Variants in MAD1L1 observed in about 807,000 individuals in gnomAD.
MAD1L1 encodes mitotic arrest deficient 1 like 1.
In MAD1L1, 95 loss-of-function variants were observed where a neutral mutation model predicts 96.9. The observed-to-expected ratio is 0.98, with a 90% confidence interval of 0.83 to 1.16. The LOEUF (loss-of-function observed/expected upper bound fraction) is 1.16. Ranked by LOEUF, MAD1L1 falls within the 50% of genes most tolerant of loss-of-function variation. The probability of loss-of-function intolerance (pLI) is 0.00; values close to 1 mark genes in which losing one functional copy is unlikely to be tolerated. For synonymous variants in MAD1L1, 473 were observed against 396.6 expected (o/e 1.19, Z -2.29); for missense variants, 1,007 against 954.4 (o/e 1.06, Z -0.73).
intron 11 of MAD1L1, among the ~76,000 whole-genome samples, chr7:2,076,432 A>G (rs557488352): frequency 6.6e-6 from 1 of 152,286 alleles, no homozygotes; most frequent in South Asian, 2.1e-4. Context: ...CCCTCCTCAG[A>G]CCCGGCACTG....
At chr7:1,849,103 CACAT>C (rs1783814705) in intron 18 of MAD1L1, 1 of 153,456 alleles carries the variant, frequency 6.5e-6, no homozygotes, top group Non-Finnish European at 1.5e-5. Flanking sequence ...CATGCACACA[CACAT>C]ACACGTGCAC....
At chr7:2,160,492 C>G (rs1030998306) in intron 10 of MAD1L1, among the ~76,000 whole-genome samples, 2 of 151,696 alleles carry the variant, frequency 1.3e-5, no homozygotes, top group Admixed American at 1.3e-4. Flanking sequence ...ACCACCATGC[C>G]CAGCTAATTT....
In MAD1L1 at chr7:1,820,882, C is replaced by G. The variant is rs941191578; in HGVS notation, c.1999-4654G>C. Among the ~76,000 whole-genome samples the G allele has an allele frequency of 3.0e-4, 45 of 151,998 alleles. 1 individual carries two copies. Among genetic ancestry groups the G allele is most frequent in the Non-Finnish European group, 5.6e-4 (38 of 67,988 alleles). On this transcript the variant is annotated intron_variant, in intron 18 of 18. Coordinates refer to ENST00000265854, the MANE Select transcript of MAD1L1 (RefSeq NM_001013836.2). ...GGATCACGAGGTCAGGAGATCAAGA[C>G]CATCCTGGCTAACACAGTGAAACCC...
intron 16 of MAD1L1, among the ~76,000 whole-genome samples, chr7:1,944,462 G>A (rs935636921): frequency 6.6e-6 from 1 of 152,200 alleles, no homozygotes; most frequent in African/African-American, 2.4e-5. Flanking sequence ...CTGCGGGGCT[G>A]AAACCAGCCT....
intron 12 of MAD1L1, among the ~76,000 whole-genome samples, chr7:2,050,950 T>G (rs1298886320): frequency 6.6e-6 from 1 of 152,254 alleles, no homozygotes; most frequent in African/African-American, 2.4e-5. Context: ...CAGGGAACCA[T>G]GCCTTTGAGC....
At position 1,948,499 on chromosome 7, in the gene MAD1L1, C is replaced by T. The variant is rs150971594; in HGVS notation, c.1596+9130G>A. 1.6e-4 allele frequency among the ~76,000 whole-genome samples: 25 copies of T among 152,290 alleles called. No homozygotes were observed. The East Asian group carries it at 2.7e-3, about 16-fold the overall frequency. On this transcript the variant is annotated intron_variant, in intron 16 of 18. Transcript: ENST00000265854. ...CGGGACACTGGCACCCAGGAGACGG[C>T]GCTGAGGCCACCGCACAGCTCCGGA...
chr7:2,101,629 G>A (rs887803965), intron 11 of MAD1L1, among the ~76,000 whole-genome samples: 1 of 152,218 alleles, frequency 6.6e-6, no homozygotes, highest in Admixed American at 6.5e-5. Context: ...CATTCCTAAA[G>A]GGCCTCCATC....
chr7:2,142,653 A>G lies in MAD1L1; in HGVS notation c.1073+6499T>C, dbSNP rs539190902. On this transcript the variant is annotated intron_variant, in intron 11 of 18. Coordinates refer to ENST00000265854, the MANE Select transcript of MAD1L1 (RefSeq NM_001013836.2). This position sits in a 1 kb window ranked among gnomAD's most constrained non-coding sequence, Gnocchi z 4.7. Reference sequence around the variant, plus strand: ...ACCGTGGAATACATGGAGACAGCCCATTAGACTCAGGCTGATTCCACACCT... The same window carrying G: ...ACCGTGGAATACATGGAGACAGCCCGTTAGACTCAGGCTGATTCCACACCT... 2.0e-5 allele frequency among the ~76,000 whole-genome samples: 3 copies of G among 152,374 alleles called. No homozygotes were observed. In the South Asian group the frequency reaches 6.2e-4, roughly 32 times the overall value.
At chr7:2,190,315 T>C (rs73039302) in intron 10 of MAD1L1, among the ~76,000 whole-genome samples, 4,288 of 152,260 alleles carry the variant, frequency 0.028, 104 homozygotes, top group South Asian at 0.075. Context: ...GACATACGTA[T>C]TGTGGGGCAG....
chr7:1,941,988 G>A lies in MAD1L1; in HGVS notation c.1597-5091C>T, dbSNP rs118137471. 3.0e-3 allele frequency among the ~76,000 whole-genome samples: 458 copies of A among 152,310 alleles called. 2 individuals carry two copies. Among genetic ancestry groups the A allele is most frequent in the Non-Finnish European group, 4.9e-3 (336 of 68,016 alleles). On this transcript the variant is annotated intron_variant, in intron 16 of 18. Coordinates refer to ENST00000265854, the MANE Select transcript of MAD1L1 (RefSeq NM_001013836.2). The stretch of plus-strand genomic sequence containing the variant: ...AAGGCAGAGCCCCTAGAGGCAGCAC[G>A]GGAGGGGCAGACTGGGCACCACCCA...
chr7:1,838,081 C>A (rs1197543642), intron 18 of MAD1L1, among the ~76,000 whole-genome samples: 1 of 152,198 alleles, frequency 6.6e-6, no homozygotes, highest in Non-Finnish European at 1.5e-5. Flanking sequence ...ATTCCTAACC[C>A]CGTGCAGGGG....
intron 14 of MAD1L1, among the ~76,000 whole-genome samples, chr7:1,993,805 G>C (rs1031860299): frequency 2.6e-5 from 4 of 152,232 alleles, no homozygotes; most frequent in African/African-American, 9.6e-5. Flanking sequence ...AAAGGGGACA[G>C]AGGGAAGATG....
intron 12 of MAD1L1, among the ~76,000 whole-genome samples, chr7:2,051,203 G>A (rs571308583): frequency 2.6e-5 from 4 of 152,226 alleles, no homozygotes; most frequent in African/African-American, 4.8e-5. Context: ...GTGTCCCCCC[G>A]AGGCTGGGCT....
intron 18 of MAD1L1, among the ~76,000 whole-genome samples, chr7:1,888,541 CGTGT>C (rs10593378): frequency 0.59 from 83,371 of 141,738 alleles, 23,061 homozygotes; most frequent in South Asian, 0.67. Flanking sequence ...GTTGCCTGTG[CGTGT>C]GTGTGAGCAT....
intron 18 of MAD1L1, among the ~76,000 whole-genome samples, chr7:1,843,651 G>T (rs1266518951): frequency 6.6e-6 from 1 of 152,220 alleles, no homozygotes; most frequent in Admixed American, 6.5e-5. Flanking sequence ...CTAACACGAA[G>T]GAGTCAGAAA....
chr7:2,193,747 G>A (rs1432513562), intron 10 of MAD1L1, among the ~76,000 whole-genome samples: 1 of 152,174 alleles, frequency 6.6e-6, no homozygotes, highest in Non-Finnish European at 1.5e-5. Flanking sequence ...AGCAGGTGCT[G>A]AGCCGCGATC....
intron 10 of MAD1L1, among the ~76,000 whole-genome samples, chr7:2,189,867 T>A (rs1398914120): frequency 6.6e-6 from 1 of 152,148 alleles, no homozygotes; most frequent in Non-Finnish European, 1.5e-5. Context: ...ATGAACAGTA[T>A]CTCGCAAGAC....
chr7:1,819,565 C>T (rs1782017959), intron 18 of MAD1L1, among the ~76,000 whole-genome samples: 1 of 152,214 alleles, frequency 6.6e-6, no homozygotes, highest in African/African-American at 2.4e-5. Context: ...GGATTGTGTG[C>T]CCGGCCCCCA....
In MAD1L1 at chr7:1,815,904, CGCCCCAGCAGGAAGCCCGACGTAG is replaced by C. The variant is rs547750613; in HGVS notation, c.*142_*165del. On this transcript the variant is annotated 3_prime_UTR_variant, in exon 19 of 19. Coordinates refer to ENST00000265854, the MANE Select transcript of MAD1L1 (RefSeq NM_001013836.2). ...GTCTGCACGTGGAGAGGGTGCTGGC[CGCCCCAGCAGGAAGCCCGACGTAG>C]GTCCCAGCGTGTCTGTCAGTCATGC... 90 of 791,090 alleles carry C rather than the reference CGCCCCAGCAGGAAGCCCGACGTAG, an allele frequency of 1.1e-4. No individual in the cohort carries two copies. In the African/African-American group the frequency reaches 1.3e-3, roughly 12 times the overall value. 49.0% of individuals were successfully genotyped at this position (791,090 alleles called of 1,614,324 possible). A position where few individuals can be genotyped will look rare whatever the true frequency, so the allele number is the denominator to read the frequency against.
Sources: allele counts gnomAD v4.1 joint callset (sites outside exome capture counted in the v4.1 genomes callset), GRCh38; gene constraint gnomAD v4.1.1; non-coding constraint Gnocchi (gnomAD v3.1); transcripts MANE v1.5; gene names NCBI Gene and HGNC (gene_info 2026-07-23, HGNC 2026-07-21).